Variants in MDFIC observed in about 807,000 individuals in gnomAD.
MDFIC encodes MyoD family inhibitor domain containing, also known as myoD family inhibitor domain-containing protein.
A neutral mutation model predicts 23.2 loss-of-function variants in MDFIC; 17 were observed. That is an observed-to-expected ratio of 0.73 (90% confidence interval 0.50 to 1.10). MDFIC has a LOEUF of 1.10. MDFIC is among the 50% of genes least tolerant of loss of function. The pLI is 0.00. For synonymous variants in MDFIC, 120 were observed against 115.2 expected, an observed-to-expected ratio of 1.04 and a Z score of -0.27; for missense variants, 356 against 316.6, an observed-to-expected ratio of 1.12 and a Z score of -0.95.
At chr7:114,973,365 T>C (rs549083754) in intron 3 of MDFIC, among the ~76,000 whole-genome samples, 2 of 152,244 alleles carry the variant, frequency 1.3e-5, no homozygotes, top group Non-Finnish European at 1.5e-5. Flanking sequence ...CACTCAGCTG[T>C]GGTCAAAACT....
chr7:115,015,575 G>T (rs1791778627), intron 4 of MDFIC, 113 bp from the exon 5 acceptor site: 1 of 1,384,450 alleles, frequency 7.2e-7, no homozygotes, highest in Admixed American at 2.3e-5. Flanking sequence ...AACTTCATTT[G>T]GGTTGTGGAT....
At chr7:114,931,685 A>G (rs1792310806) in intron 2 of MDFIC, among the ~76,000 whole-genome samples, 1 of 152,238 alleles carries the variant, frequency 6.6e-6, no homozygotes, top group Non-Finnish European at 1.5e-5. Context: ...ACTAACTGGT[A>G]TCATCCTGGA....
At chr7:114,955,986 T>C (rs1011839356) in intron 3 of MDFIC, among the ~76,000 whole-genome samples, 1 of 152,074 alleles carries the variant, frequency 6.6e-6, no homozygotes. Context: ...GCAGCTAATA[T>C]CTTGATTTTT....
chr7:114,937,904 T>C (rs1792458824), intron 2 of MDFIC, among the ~76,000 whole-genome samples: 1 of 152,230 alleles, frequency 6.6e-6, no homozygotes, highest in Non-Finnish European at 1.5e-5. Flanking sequence ...AAAACATATT[T>C]CTTTTATCCC....
chr7:114,958,368 T>C (rs1792923029), intron 3 of MDFIC, among the ~76,000 whole-genome samples: 1 of 152,192 alleles, frequency 6.6e-6, no homozygotes. Context: ...ACAAACAAAA[T>C]ACGCTCTCTT....
chr7:114,927,371 G>T (rs1792214106), intron 2 of MDFIC, among the ~76,000 whole-genome samples: 6 of 140,748 alleles, frequency 4.3e-5, no homozygotes, highest in African/African-American at 1.3e-4. Context: ...CTTTTTAAAA[G>T]TTCACCTTTT....
chr7:114,972,820 G>A (rs2115924830), intron 3 of MDFIC, among the ~76,000 whole-genome samples: 1 of 151,894 alleles, frequency 6.6e-6, no homozygotes, highest in East Asian at 1.9e-4. Flanking sequence ...GTTTCACTAT[G>A]TTGCTCTGGC....
chr7:114,986,047 T>TTG (rs201885627), intron 4 of MDFIC, among the ~76,000 whole-genome samples: 1 of 132,654 alleles, frequency 7.5e-6, no homozygotes, highest in South Asian at 2.4e-4. Flanking sequence ...TTTTTTTTTT[T>TTG]GTACATTAAT....
intron 3 of MDFIC, among the ~76,000 whole-genome samples, chr7:114,958,064 A>G (rs541442790): frequency 9.8e-5 from 15 of 152,360 alleles, no homozygotes; most frequent in African/African-American, 3.1e-4. Context: ...TCATTGTGAA[A>G]TAAATATGTG....
chr7:114,997,195 C>A (rs907283886), intron 4 of MDFIC, among the ~76,000 whole-genome samples: 1 of 152,016 alleles, frequency 6.6e-6, no homozygotes, highest in African/African-American at 2.4e-5. Flanking sequence ...ATTACTCTAC[C>A]AAGGAGTTTT....
Position 114,978,694 on chromosome 7 carries a change from A to G in MDFIC, c.218-812A>G, listed in dbSNP as rs1793362957. Among the ~76,000 whole-genome samples the G allele has an allele frequency of 2.0e-5, 3 of 152,150 alleles. No individual in the cohort carries two copies. In the South Asian group the frequency reaches 6.2e-4, roughly 32 times the overall value. On this transcript the variant is annotated intron_variant, in intron 3 of 4. Transcript: ENST00000393486. ...TAAACTTAGATTATATATATACTATATATTTGAATGTTCCCCAGAACATCC... is the reference window on the plus strand; with the variant it reads ...TAAACTTAGATTATATATATACTATGTATTTGAATGTTCCCCAGAACATCC...
intron 4 of MDFIC, among the ~76,000 whole-genome samples, chr7:115,009,219 C>A (rs1274239727): frequency 6.6e-6 from 1 of 152,090 alleles, no homozygotes; most frequent in Non-Finnish European, 1.5e-5. Context: ...AAGATAAGAC[C>A]CATTCAAATA....
At chr7:114,961,827 G>A (rs1035615063) in intron 3 of MDFIC, among the ~76,000 whole-genome samples, 15 of 152,030 alleles carry the variant, frequency 9.9e-5, no homozygotes, top group Admixed American at 8.5e-4. Flanking sequence ...CATTAGACCC[G>A]CTCCTACAAC....
intron 3 of MDFIC, among the ~76,000 whole-genome samples, chr7:114,973,101 G>GTGTA (rs367602602): frequency 0.025 from 3,687 of 147,720 alleles, 54 homozygotes; most frequent in Middle Eastern, 0.054. Flanking sequence ...GTGTGTGTGT[G>GTGTA]TATATATATA....
intron 3 of MDFIC, among the ~76,000 whole-genome samples, chr7:114,963,663 C>T (rs1256072627): frequency 6.6e-6 from 1 of 152,204 alleles, no homozygotes; most frequent in African/African-American, 2.4e-5. Flanking sequence ...GCAGCCTCAA[C>T]CTCCTGGGTT....
At chr7:114,927,496 C>A (rs1018464603) in intron 2 of MDFIC, among the ~76,000 whole-genome samples, 1 of 151,752 alleles carries the variant, frequency 6.6e-6, no homozygotes, top group African/African-American at 2.4e-5. Context: ...TAGTCATCCT[C>A]AAAAAAGCTT....
chr7:114,998,701 T>C (rs1056160783), intron 4 of MDFIC, among the ~76,000 whole-genome samples: 1 of 152,236 alleles, frequency 6.6e-6, no homozygotes, highest in African/African-American at 2.4e-5. Context: ...GTTTTGTTGC[T>C]ATATTCTTTC....
chr7:114,965,864 A>G (rs1456077288), intron 3 of MDFIC, among the ~76,000 whole-genome samples: 2 of 152,144 alleles, frequency 1.3e-5, no homozygotes, highest in African/African-American at 4.8e-5. Context: ...TTGTATTCTG[A>G]CACTATTTCT....
At chr7:114,993,934 A>G (rs1308916902) in intron 4 of MDFIC, among the ~76,000 whole-genome samples, 1 of 152,090 alleles carries the variant, frequency 6.6e-6, no homozygotes, top group Non-Finnish European at 1.5e-5. Flanking sequence ...GATCTGTCTA[A>G]TGTTGACAGT....
Sources: gnomAD v4.1 joint callset for allele counts (sites outside exome capture counted in the v4.1 genomes callset) on GRCh38, gnomAD v4.1.1 for gene constraint, MANE v1.5 for transcripts, NCBI Gene and HGNC (gene_info 2026-07-23, HGNC 2026-07-21) for gene names.